The following PTPRN2 variants were observed in gnomAD, a reference collection of about 807,000 sequenced individuals.
PTPRN2 encodes the protein receptor-type tyrosine-protein phosphatase N2.
In PTPRN2, 74 loss-of-function variants were observed where a neutral mutation model predicts 118.8. That is an observed-to-expected ratio of 0.62 (90% CI 0.52 to 0.76). PTPRN2 has a LOEUF of 0.76. PTPRN2 is among the 30% of genes least tolerant of loss of function. The pLI, the probability that PTPRN2 is intolerant of heterozygous loss-of-function variation, is 0.00. For synonymous variants in PTPRN2, 641 were observed against 608.0 expected, an observed-to-expected ratio of 1.05 and a Z score of -0.80; for missense variants, 1,481 against 1,394.4, an observed-to-expected ratio of 1.06 and a Z score of -0.99.
intron 5 of PTPRN2, among the ~76,000 whole-genome samples, chr7:158,181,620 T>C (rs1266486335): frequency 1.3e-5 from 2 of 152,188 alleles, no homozygotes; most frequent in African/African-American, 2.4e-5. Flanking sequence ...TCACTGCTTG[T>C]TATTAGTCTG....
intron 3 of PTPRN2, among the ~76,000 whole-genome samples, chr7:158,240,106 T>A (rs1462694641): frequency 6.6e-6 from 1 of 152,196 alleles, no homozygotes; most frequent in African/African-American, 2.4e-5. Context: ...GGGGCTTATG[T>A]GCATTATTTG....
chr7:158,331,384 C>G (rs1174771513), intron 2 of PTPRN2, among the ~76,000 whole-genome samples: 1 of 142,918 alleles, frequency 7.0e-6, no homozygotes, highest in African/African-American at 2.8e-5. Flanking sequence ...AGAAGTCACT[C>G]ACACCCACAC....
At chr7:157,741,672 G>A (rs1370427540) in intron 12 of PTPRN2, among the ~76,000 whole-genome samples, 4 of 152,120 alleles carry the variant, frequency 2.6e-5, no homozygotes, top group Admixed American at 6.5e-5. Context: ...CTGGTTGTAC[G>A]TGGAGTCCTC....
chr7:157,765,736 C>T (rs1802422821), intron 12 of PTPRN2, among the ~76,000 whole-genome samples: 2 of 149,168 alleles, frequency 1.3e-5, no homozygotes. Flanking sequence ...TCACCCTTCA[C>T]CCATCCATCC....
At chr7:157,819,262 C>A (rs1806641675) in intron 12 of PTPRN2, among the ~76,000 whole-genome samples, 1 of 152,186 alleles carries the variant, frequency 6.6e-6, no homozygotes, top group South Asian at 2.1e-4. Context: ...AGCCCTCACC[C>A]CCATGCCTCA....
rs200009602 is a variant in PTPRN2 at position 157,585,166 on chromosome 7, AC to A, written c.2497-7027del. On this transcript the variant is annotated intron_variant, in intron 17 of 22. Transcript: ENST00000389418. This position sits in a 1 kb window ranked among gnomAD's most constrained non-coding sequence, Gnocchi z 5.2. ...GGCTGATGAGGGGGCAGCGGGAGGA[AC>A]CCCCCTGTGCCGCTATCAGATCGAC... 6.6e-5 allele frequency among the ~76,000 whole-genome samples: 10 copies of A among 151,780 alleles called. No homozygotes were observed. Among genetic ancestry groups the A allele is most frequent in the African/African-American group, 7.3e-5 (3 of 41,298 alleles).
chr7:157,817,646 C>A (rs1277066712), intron 12 of PTPRN2, among the ~76,000 whole-genome samples: 1 of 152,260 alleles, frequency 6.6e-6, no homozygotes, highest in African/African-American at 2.4e-5. Flanking sequence ...CACAAAGCAG[C>A]ATCTGGAGCT....
chr7:158,460,255 G>C (rs556418916), intron 2 of PTPRN2, among the ~76,000 whole-genome samples: 31 of 148,902 alleles, frequency 2.1e-4, no homozygotes, highest in African/African-American at 7.5e-4. Context: ...TGTGCCGTCA[G>C]CACAGGAGGG....
At chr7:158,548,245 G>A (rs953174184) in intron 1 of PTPRN2, among the ~76,000 whole-genome samples, 2 of 152,246 alleles carry the variant, frequency 1.3e-5, no homozygotes, top group African/African-American at 4.8e-5. Flanking sequence ...GTGAAGAGGA[G>A]TGTGTGCAAA....
intron 2 of PTPRN2, among the ~76,000 whole-genome samples, chr7:158,385,719 C>G (rs978110104): frequency 1.3e-5 from 2 of 152,156 alleles, no homozygotes; most frequent in Non-Finnish European, 2.9e-5. Flanking sequence ...CTACGTGATA[C>G]CAGAAAACGG....
intron 12 of PTPRN2, among the ~76,000 whole-genome samples, chr7:157,686,997 C>T (rs924927009): frequency 1.3e-5 from 2 of 152,198 alleles, no homozygotes; most frequent in African/African-American, 2.4e-5. Context: ...ACCGTCTGCA[C>T]CTGCAACTCC....
chr7:158,235,977 G>A (rs191069982), intron 3 of PTPRN2, among the ~76,000 whole-genome samples: 48 of 152,218 alleles, frequency 3.2e-4, no homozygotes, highest in East Asian at 7.7e-4. Flanking sequence ...CCACCATTAC[G>A]GGCTGCTTAG....
intron 13 of PTPRN2, among the ~76,000 whole-genome samples, chr7:157,679,849 G>C (rs1281285882): frequency 6.6e-6 from 1 of 152,154 alleles, no homozygotes; most frequent in African/African-American, 2.4e-5. Context: ...CACTAACCCA[G>C]CTGCTGTTTA....
At chr7:158,260,573 A>G (rs1797331605) in intron 3 of PTPRN2, among the ~76,000 whole-genome samples, 1 of 152,112 alleles carries the variant, frequency 6.6e-6, no homozygotes, top group East Asian at 1.9e-4. Flanking sequence ...CAATACCCCA[A>G]AACAAAAGCA....
rs185286026 is a variant in PTPRN2, at chr7:158,119,160, T to C, written c.1557-8245A>G. ...TGTACCTAGCGTGTATAGAGTACTC[T>C]TAAAACTCAACAACAAAAATACAAA... On this transcript the variant is annotated intron_variant, in intron 9 of 22. Coordinates refer to ENST00000389418, the MANE Select transcript of PTPRN2 (RefSeq NM_002847.5). 4.0e-3 allele frequency among the ~76,000 whole-genome samples: 612 copies of C among 152,306 alleles called. 2 individuals carry two copies. Among genetic ancestry groups the C allele is most frequent in the African/African-American group, 0.014 (574 of 41,558 alleles).
intron 2 of PTPRN2, among the ~76,000 whole-genome samples, chr7:158,324,166 G>A (rs532755186): frequency 7.9e-5 from 12 of 152,110 alleles, no homozygotes; most frequent in East Asian, 3.9e-4. Context: ...CACAGTCTCC[G>A]CATAGACAAG....
At chr7:157,778,253 G>T (rs539008410) in intron 12 of PTPRN2, among the ~76,000 whole-genome samples, 1 of 152,218 alleles carries the variant, frequency 6.6e-6, no homozygotes, top group East Asian at 1.9e-4. Context: ...GAATGCAGGC[G>T]TCGAATGCCC....
rs73744812 is a variant in PTPRN2 at position 157,615,598 on chromosome 7, G to A, written c.2344+5764C>T. 29,529 of 471,178 alleles carry A rather than the reference G, an allele frequency of 0.063. 1,497 individuals are homozygous for A. Among genetic ancestry groups the A allele is most frequent in the African/African-American group, 0.19 (9,749 of 50,184 alleles). The allele number at this position is 471,178 out of a possible 1,614,324, so 29.2% of individuals were successfully genotyped here. On this transcript the variant is annotated intron_variant, in intron 15 of 22. Transcript: ENST00000389418. The surrounding 1 kb of genome is among the most constrained non-coding windows in gnomAD (Gnocchi z 4.3). ...CTGGGAAGTCCCGCGGTGGATCCGCGTCACGGGGGAGGATTGGCTCAGCAC... is the reference window on the plus strand; with the variant it reads ...CTGGGAAGTCCCGCGGTGGATCCGCATCACGGGGGAGGATTGGCTCAGCAC...
intron 11 of PTPRN2, among the ~76,000 whole-genome samples, chr7:158,057,443 AAC>A (rs1809875806): frequency 6.6e-6 from 1 of 152,182 alleles, no homozygotes; most frequent in South Asian, 2.1e-4. Context: ...TGGATTCCAT[AAC>A]ACAGTCAGTC....
Sources: allele counts gnomAD v4.1 joint callset (sites outside exome capture counted in the v4.1 genomes callset), GRCh38; gene constraint gnomAD v4.1.1; non-coding constraint Gnocchi (gnomAD v3.1); transcripts MANE v1.5; gene names NCBI Gene and HGNC (gene_info 2026-07-23, HGNC 2026-07-21).